CACNA1C: variants seen among roughly 807,000 people sequenced by gnomAD.
The protein encoded by CACNA1C is calcium voltage-gated channel subunit alpha1 C, also known as voltage-dependent L-type calcium channel subunit alpha-1C.
In CACNA1C, 30 loss-of-function variants were observed where a neutral mutation model predicts 229.0. The ratio of observed to expected loss-of-function variants is 0.13; its 90% CI spans 0.10 to 0.18. CACNA1C has a LOEUF of 0.18. Among genes scored for constraint, CACNA1C ranks in the 10% least tolerant of loss-of-function variants. CACNA1C has a pLI of 1.00. For missense variants in CACNA1C, 1,658 were observed against 2,845.0 expected, an observed-to-expected ratio of 0.58 and a Z score of 9.49; for synonymous variants, 1,114 against 1,132.5, an observed-to-expected ratio of 0.98 and a Z score of 0.33.
intron 3 of CACNA1C, among the ~76,000 whole-genome samples, chr12:2,436,813 C>T (rs1200954901): frequency 6.6e-6 from 1 of 152,224 alleles, no homozygotes; most frequent in Non-Finnish European, 1.5e-5. Context: ...TTTTATCTCA[C>T]ATACAGGAAG....
chr12:2,657,023 C>T (rs2153677158), intron 34 of CACNA1C, among the ~76,000 whole-genome samples: 1 of 152,168 alleles, frequency 6.6e-6, no homozygotes, highest in East Asian at 1.9e-4. Flanking sequence ...ATCAGCATTC[C>T]AGTAGTCAAG....
In CACNA1C at chr12:2,677,035, A is replaced by AGTT. The variant is rs747300807; in HGVS notation, c.4829-58_4829-56dup. 1 of 1,433,230 alleles carries AGTT rather than the reference A, an allele frequency of 7.0e-7. No individual in the cohort carries two copies. The highest frequency in any genetic ancestry group is 9.6e-7 in the Non-Finnish European group (1 of 1,036,582). 88.8% of individuals were successfully genotyped at this position (1,433,230 alleles called of 1,614,324 possible). On this transcript the variant is annotated intron_variant, in intron 39 of 46. Transcript: ENST00000399655. This position sits in a 1 kb window ranked among gnomAD's most constrained non-coding sequence, Gnocchi z 7.4. ...GGATGCTGAAAAAAAAAATGAATGA[A>AGTT]GTTCAACTGAATTCCCCTGCTCCCC... is the stretch of plus-strand genomic sequence containing the variant.
At position 2,678,962 on chromosome 12, in the gene CACNA1C, G is replaced by A. The variant is rs1436340669; in HGVS notation, c.5092-482G>A. On this transcript the variant is annotated intron_variant, in intron 41 of 46. Coordinates refer to ENST00000399655, the MANE Select transcript of CACNA1C (RefSeq NM_000719.7). The surrounding 1 kb of genome is among the most constrained non-coding windows in gnomAD (Gnocchi z 4.1). ...AAATTCTTCATTTTCAAAACCGTTT[G>A]GCCAACCAGCTTTTAGCTCTGTGAG... is the stretch of plus-strand genomic sequence containing the variant. Among the ~76,000 whole-genome samples the A allele has an allele frequency of 6.6e-6, 1 of 152,202 alleles. No homozygotes were observed. The highest frequency in any genetic ancestry group is 1.5e-5 in the Non-Finnish European group (1 of 68,044).
At chr12:2,391,480 T>G (rs1247255243) in intron 3 of CACNA1C, among the ~76,000 whole-genome samples, 1 of 151,842 alleles carries the variant, frequency 6.6e-6, no homozygotes, top group Non-Finnish European at 1.5e-5. Flanking sequence ...GTCAGCAGGG[T>G]GGGAGGGAAC....
chr12:2,337,307 C>T (rs2096728176), intron 3 of CACNA1C, among the ~76,000 whole-genome samples: 1 of 152,216 alleles, frequency 6.6e-6, no homozygotes, highest in African/African-American at 2.4e-5. Context: ...ACCATTGTTT[C>T]TGGCCGTATG....
Position 2,457,725 on chromosome 12 carries a change from T to C in CACNA1C, c.757+19T>C. 2 of 1,557,684 alleles carry C rather than the reference T, an allele frequency of 1.3e-6. No individual in the cohort carries two copies. The highest frequency in any genetic ancestry group is 1.7e-6 in the Non-Finnish European group (2 of 1,153,016). On this transcript the variant is annotated intron_variant, in intron 5 of 46. Coordinates refer to ENST00000399655, the MANE Select transcript of CACNA1C (RefSeq NM_000719.7). ...GTCCCAAGTAAGTGAAGCCCGTTCTTGTGTACAGTGTTATCTCCTCACCAC... is the reference window on the plus strand; with the variant it reads ...GTCCCAAGTAAGTGAAGCCCGTTCTCGTGTACAGTGTTATCTCCTCACCAC...
At chr12:2,366,990 C>T (rs2097737813) in intron 3 of CACNA1C, among the ~76,000 whole-genome samples, 1 of 152,170 alleles carries the variant, frequency 6.6e-6, no homozygotes, top group Admixed American at 6.5e-5. Context: ...GGGAAGTCCG[C>T]CCCATGATTC....
At chr12:2,452,958 C>G (rs532653385) in intron 4 of CACNA1C, among the ~76,000 whole-genome samples, 1 of 152,172 alleles carries the variant, frequency 6.6e-6, no homozygotes, top group Non-Finnish European at 1.5e-5. Flanking sequence ...GAAGCCCACT[C>G]CCCCATCCTG....
chr12:2,605,802 C>A lies in CACNA1C; in HGVS notation c.3156+16C>A. On this transcript the variant is annotated intron_variant, in intron 24 of 46. Coordinates refer to ENST00000399655, the MANE Select transcript of CACNA1C (RefSeq NM_000719.7). The surrounding 1 kb of genome is among the most constrained non-coding windows in gnomAD (Gnocchi z 6.2). Reference sequence around the variant, plus strand: ...GCTCTTCAAGGTAAAGTCTGGGCTCCGTTGTGGTCCTCCTACCTCCCCTCC... The same window carrying A: ...GCTCTTCAAGGTAAAGTCTGGGCTCAGTTGTGGTCCTCCTACCTCCCCTCC... 1 of 1,532,956 alleles carries A rather than the reference C, an allele frequency of 6.5e-7. No homozygotes were observed. The highest frequency in any genetic ancestry group is 9.0e-7 in the Non-Finnish European group (1 of 1,105,894). The allele number at this position is 1,532,956 out of a possible 1,614,324, so 95.0% of individuals were successfully genotyped here.
In CACNA1C at chr12:2,393,508, C is replaced by T. The variant is rs75056630; in HGVS notation, c.478-55468C>T. Among the ~76,000 whole-genome samples the T allele has an allele frequency of 7.1e-3, 1,078 of 152,286 alleles. 6 individuals carry two copies. The highest frequency in any genetic ancestry group is 0.012 in the Non-Finnish European group (842 of 68,026). On this transcript the variant is annotated intron_variant, in intron 3 of 46. Transcript: ENST00000399655. ...CTTTGGGCAAGTGTGGCCTGACAGC[C>T]GAAAGCTTACCCCCACTCCTTGCTA...
chr12:2,561,120 G>A (rs1052267966), intron 11 of CACNA1C, among the ~76,000 whole-genome samples: 1 of 152,328 alleles, frequency 6.6e-6, no homozygotes, highest in Non-Finnish European at 1.5e-5. Flanking sequence ...TCAGCCAGGG[G>A]TTCCCGTGCA....
At chr12:2,191,835 G>A (rs2097232578) in intron 3 of CACNA1C, among the ~76,000 whole-genome samples, 1 of 60,068 alleles carries the variant, frequency 1.7e-5, no homozygotes, top group Non-Finnish European at 4.2e-5. Flanking sequence ...CACATACACA[G>A]GCACACACAT....
chr12:2,598,755 A>C (rs1002043888), intron 21 of CACNA1C, among the ~76,000 whole-genome samples: 3 of 152,136 alleles, frequency 2.0e-5, no homozygotes, highest in Admixed American at 2.0e-4. Flanking sequence ...TCCAGATACA[A>C]ATTGAATGGG....
At chr12:2,514,877 A>G (rs1203995028) in intron 9 of CACNA1C, among the ~76,000 whole-genome samples, 1 of 152,214 alleles carries the variant, frequency 6.6e-6, no homozygotes, top group Non-Finnish European at 1.5e-5. Flanking sequence ...AGTTCCCAGC[A>G]TGGAGTATTA....
chr12:2,523,927 G>A (rs2099814323), intron 9 of CACNA1C, among the ~76,000 whole-genome samples: 1 of 152,172 alleles, frequency 6.6e-6, no homozygotes, highest in Non-Finnish European at 1.5e-5. Flanking sequence ...TAAACAGTGG[G>A]GGTAAGAAGC....
In CACNA1C at chr12:2,632,404, C is replaced by T. The variant is rs2090895096; in HGVS notation, c.3829-1893C>T. On this transcript the variant is annotated intron_variant, in intron 29 of 46. Transcript: ENST00000399655. The surrounding 1 kb of genome is among the most constrained non-coding windows in gnomAD (Gnocchi z 4.1). The stretch of plus-strand genomic sequence containing the variant: ...CAGAACATCGCTGTGCAGGCCCCTA[C>T]ACCTCCTACACCCAAGAAATCCATC... Among the ~76,000 whole-genome samples, 1 of 152,078 alleles carries T rather than the reference C, an allele frequency of 6.6e-6. No individual in the cohort carries two copies. The highest frequency in any genetic ancestry group is 2.1e-4 in the South Asian group (1 of 4,822).
intron 5 of CACNA1C, among the ~76,000 whole-genome samples, chr12:2,473,333 A>G (rs2099603123): frequency 6.6e-6 from 1 of 152,208 alleles, no homozygotes; most frequent in Non-Finnish European, 1.5e-5. Flanking sequence ...CACCACAGCC[A>G]CTTCAGCTTC....
At chr12:2,561,320 T>C (rs2047370618) in intron 11 of CACNA1C, among the ~76,000 whole-genome samples, 1 of 152,212 alleles carries the variant, frequency 6.6e-6, no homozygotes, top group African/African-American at 2.4e-5. Context: ...GTGTGCTCCC[T>C]GGTGGACCCG....
intron 3 of CACNA1C, among the ~76,000 whole-genome samples, chr12:2,377,466 A>G (rs2098110964): frequency 6.6e-6 from 1 of 152,126 alleles, no homozygotes; most frequent in African/African-American, 2.4e-5. Flanking sequence ...CTAGCCTTAC[A>G]GCGGCTATCA....
Sources: allele counts gnomAD v4.1 joint callset (sites outside exome capture counted in the v4.1 genomes callset), GRCh38; gene constraint gnomAD v4.1.1; non-coding constraint Gnocchi (gnomAD v3.1); transcripts MANE v1.5; gene names NCBI Gene and HGNC (gene_info 2026-07-23, HGNC 2026-07-21).